Variants in PRKG1 observed in about 807,000 individuals in gnomAD.
PRKG1 encodes the protein protein kinase cGMP-dependent 1, also known as cGMP-dependent protein kinase 1.
Under a neutral mutation model 88.1 loss-of-function variants are expected in PRKG1, and 35 were observed. The observed-to-expected ratio is 0.40, with a 90% CI of 0.30 to 0.53. The LOEUF (loss-of-function observed/expected upper bound fraction) is 0.53. Among genes scored for constraint, PRKG1 ranks in the 20% least tolerant of loss-of-function variants. The pLI is 0.59. For synonymous variants in PRKG1, 303 were observed against 292.5 expected, an observed-to-expected ratio of 1.04 and a Z score of -0.37; for missense variants, 540 against 839.8, an observed-to-expected ratio of 0.64 and a Z score of 4.41.
At chr10:51,064,028 T>C (rs1843721522) in intron 1 of PRKG1, among the ~76,000 whole-genome samples, 2 of 152,106 alleles carry the variant, frequency 1.3e-5, no homozygotes. Flanking sequence ...TGTGATGCTT[T>C]GCTTTACCTT....
chr10:51,522,665 T>C (rs1841764310), intron 3 of PRKG1, among the ~76,000 whole-genome samples: 1 of 152,190 alleles, frequency 6.6e-6, no homozygotes, highest in Admixed American at 6.5e-5. Context: ...TCATTGTGAA[T>C]CAGTTTAAGT....
At chr10:51,153,846 G>T (rs547022332) in intron 2 of PRKG1, among the ~76,000 whole-genome samples, 3 of 152,146 alleles carry the variant, frequency 2.0e-5, no homozygotes, top group East Asian at 3.9e-4. Flanking sequence ...ATGATAGCTT[G>T]TTTCATACAT....
rs182678462 is a variant in PRKG1, at chr10:51,025,035, G to A, written c.266+33391G>A. Among the ~76,000 whole-genome samples the A allele has an allele frequency of 6.8e-4, 103 of 152,270 alleles. 1 individual carries two copies. Among genetic ancestry groups the A allele is most frequent in the Admixed American group, 6.1e-3 (93 of 15,294 alleles). ...TCAAGCCCAGCTACCCAGTTGATTG[G>A]ACCAGCTGGACTGGGTGCAGGCTAA... On this transcript the variant is annotated intron_variant, in intron 1 of 17. Transcript: ENST00000401604.
At chr10:51,598,466 A>G (rs1052227189) in intron 3 of PRKG1, among the ~76,000 whole-genome samples, 17 of 152,048 alleles carry the variant, frequency 1.1e-4, no homozygotes, top group Non-Finnish European at 2.5e-4. Context: ...TAGAGATAGC[A>G]TTTTGCCATG....
chr10:51,072,834 T>G (rs1013106326), upstream of PRKG1, among the ~76,000 whole-genome samples: 1 of 152,184 alleles, frequency 6.6e-6, no homozygotes, highest in African/African-American at 2.4e-5. Context: ...CCCTCCCTCC[T>G]TTCCTCCCTT....
At chr10:51,992,435 T>C (rs745406627) in intron 5 of PRKG1, among the ~76,000 whole-genome samples, 20 of 152,306 alleles carry the variant, frequency 1.3e-4, no homozygotes, top group Non-Finnish European at 2.8e-4. Flanking sequence ...GATTATTTTA[T>C]TTGCTGTGTT....
At chr10:52,180,830 T>C (rs1839004081) in intron 9 of PRKG1, among the ~76,000 whole-genome samples, 1 of 152,068 alleles carries the variant, frequency 6.6e-6, no homozygotes, top group Non-Finnish European at 1.5e-5. Flanking sequence ...GCTGTTACTC[T>C]GGCTGGGGGC....
chr10:51,893,474 C>A (rs967641778), intron 4 of PRKG1, among the ~76,000 whole-genome samples: 2 of 152,018 alleles, frequency 1.3e-5, no homozygotes, highest in African/African-American at 2.4e-5. Context: ...GAATTTCAGC[C>A]CTCACTCAGG....
intron 5 of PRKG1, among the ~76,000 whole-genome samples, chr10:51,999,328 T>TA (rs1332560177): frequency 1.3e-5 from 2 of 152,218 alleles, no homozygotes; most frequent in African/African-American, 4.8e-5. Context: ...TGCCATCTGT[T>TA]AAGTGACTCA....
chr10:52,082,297 A>C (rs1164763443), intron 7 of PRKG1, among the ~76,000 whole-genome samples: 1 of 152,122 alleles, frequency 6.6e-6, no homozygotes, highest in Non-Finnish European at 1.5e-5. Context: ...GGGTGGGGAC[A>C]CAGCCAAACC....
At chr10:51,244,777 C>T (rs1430847699) in intron 2 of PRKG1, 1 of 151,732 alleles carries the variant, frequency 6.6e-6, no homozygotes, top group South Asian at 2.1e-4. Context: ...CGTTTTATAG[C>T]TGTTTTATAG....
intron 4 of PRKG1, among the ~76,000 whole-genome samples, chr10:51,869,018 A>T (rs1251297155): frequency 6.6e-6 from 1 of 152,126 alleles, no homozygotes; most frequent in Non-Finnish European, 1.5e-5. Context: ...CTCTATTTGT[A>T]TTTATAATAT....
At chr10:51,885,762 T>C (rs954579741) in intron 4 of PRKG1, among the ~76,000 whole-genome samples, 1 of 152,198 alleles carries the variant, frequency 6.6e-6, no homozygotes, top group Non-Finnish European at 1.5e-5. Flanking sequence ...TTGCCTTAGA[T>C]GTTTCCTATT....
At chr10:51,204,366 C>CTG (rs754207830) in intron 2 of PRKG1, among the ~76,000 whole-genome samples, 20 of 118,298 alleles carry the variant, frequency 1.7e-4, no homozygotes, top group Admixed American at 3.4e-4. Flanking sequence ...GAGTAGACCT[C>CTG]CGTGTGTGTG....
intron 5 of PRKG1, among the ~76,000 whole-genome samples, chr10:51,997,126 G>A (rs1016581937): frequency 7.9e-5 from 12 of 152,062 alleles, no homozygotes; most frequent in African/African-American, 2.4e-4. Flanking sequence ...TGCTTGGGGG[G>A]TAGAGGGCAT....
chr10:51,875,620 G>T (rs554945224), intron 4 of PRKG1, among the ~76,000 whole-genome samples: 2 of 152,082 alleles, frequency 1.3e-5, no homozygotes, highest in African/African-American at 4.8e-5. Flanking sequence ...TTTAAAAAAT[G>T]TTTTGATTGA....
intron 9 of PRKG1, among the ~76,000 whole-genome samples, chr10:52,180,398 T>C (rs1446217165): frequency 6.6e-6 from 1 of 152,256 alleles, no homozygotes; most frequent in Non-Finnish European, 1.5e-5. Flanking sequence ...GATTTTTCTT[T>C]GGACATTTTG....
chr10:51,499,581 T>C (rs554332550), intron 3 of PRKG1, among the ~76,000 whole-genome samples: 3 of 152,176 alleles, frequency 2.0e-5, no homozygotes, highest in Admixed American at 6.5e-5. Flanking sequence ...AGTGTGAAAA[T>C]AGGCAACAAA....
At chr10:51,864,894 G>T (rs1026141006) in intron 4 of PRKG1, among the ~76,000 whole-genome samples, 11 of 152,146 alleles carry the variant, frequency 7.2e-5, no homozygotes, top group African/African-American at 2.4e-4. Context: ...ATCAACAGGA[G>T]AATTTTTGTA....
Sources: gnomAD v4.1 joint callset for allele counts (sites outside exome capture counted in the v4.1 genomes callset) on GRCh38, gnomAD v4.1.1 for gene constraint, MANE v1.5 for transcripts, NCBI Gene and HGNC (gene_info 2026-07-23, HGNC 2026-07-21) for gene names.